Variants in SLC1A1 observed in about 807,000 individuals in gnomAD.
The protein encoded by SLC1A1 is solute carrier family 1 member 1, also known as excitatory amino acid transporter 3.
SLC1A1 carries 43 observed loss-of-function variants against 53.3 expected under a neutral mutation model. That is an observed-to-expected ratio of 0.81 (90% CI 0.63 to 1.04). The LOEUF (loss-of-function observed/expected upper bound fraction) is 1.04. SLC1A1 is among the 50% of genes least tolerant of loss of function. The pLI, the probability that SLC1A1 is intolerant of heterozygous loss-of-function variation, is 0.00. For missense variants in SLC1A1, 748 were observed against 664.9 expected, an observed-to-expected ratio of 1.12 and a Z score of -1.37; for synonymous variants, 307 against 243.2, an observed-to-expected ratio of 1.26 and a Z score of -2.44.
intron 2 of SLC1A1, among the ~76,000 whole-genome samples, chr9:4,557,578 G>A (rs1248487881): frequency 6.6e-6 from 1 of 151,874 alleles, no homozygotes; most frequent in Non-Finnish European, 1.5e-5. Flanking sequence ...TGGAGCTCAG[G>A]AGTTCAAGAC....
intron 10 of SLC1A1, among the ~76,000 whole-genome samples, chr9:4,577,926 T>C (rs563834394): frequency 4.6e-5 from 7 of 152,232 alleles, no homozygotes; most frequent in Admixed American, 1.3e-4. Flanking sequence ...AGCTAATGAA[T>C]TGAAGAAGCA....
intron 1 of SLC1A1, among the ~76,000 whole-genome samples, chr9:4,496,870 C>T (rs2130792930): frequency 6.6e-6 from 1 of 152,240 alleles, no homozygotes; most frequent in African/African-American, 2.4e-5. Context: ...TACACTCCAG[C>T]TGAGGTGACA....
At chr9:4,522,919 T>A (rs1357923882) in intron 1 of SLC1A1, among the ~76,000 whole-genome samples, 1 of 152,186 alleles carries the variant, frequency 6.6e-6, no homozygotes, top group Non-Finnish European at 1.5e-5. Flanking sequence ...TGCCAAACCA[T>A]ATCACCATCC....
intron 10 of SLC1A1, among the ~76,000 whole-genome samples, chr9:4,578,628 G>C: frequency 6.6e-6 from 1 of 152,222 alleles, no homozygotes; most frequent in Non-Finnish European, 1.5e-5. Flanking sequence ...GGTCCACAGA[G>C]TCAGAAGCTG....
rs1202742662 is a variant in SLC1A1 at position 4,535,671 on chromosome 9, C to A, written c.92-8896C>A. Among the ~76,000 whole-genome samples the A allele has an allele frequency of 2.0e-5, 3 of 152,128 alleles. No individual in the cohort carries two copies. In the East Asian group the frequency reaches 5.8e-4, roughly 29 times the overall value. On this transcript the variant is annotated intron_variant, in intron 1 of 11. Transcript: ENST00000262352. The stretch of plus-strand genomic sequence containing the variant: ...TAGATTCAATGCCATCCCCATCAAG[C>A]TACCAATGACTTTCTTCACAGAATT...
intron 3 of SLC1A1, among the ~76,000 whole-genome samples, chr9:4,562,856 G>C (rs1819091610): frequency 6.6e-6 from 1 of 151,342 alleles, no homozygotes. Flanking sequence ...TTGCTATTGT[G>C]AATAATGCCG....
At chr9:4,540,707 A>G (rs1056508851) in intron 1 of SLC1A1, among the ~76,000 whole-genome samples, 4 of 152,196 alleles carry the variant, frequency 2.6e-5, no homozygotes, top group Non-Finnish European at 5.9e-5. Flanking sequence ...CCTGCCAGTG[A>G]CAAAGCGGCC....
intron 2 of SLC1A1, among the ~76,000 whole-genome samples, chr9:4,547,610 T>C (rs1417464029): frequency 4.6e-5 from 7 of 152,210 alleles, no homozygotes; most frequent in Admixed American, 3.9e-4. Context: ...GGAGAACAGT[T>C]TGGAGCATGT....
intron 2 of SLC1A1, among the ~76,000 whole-genome samples, chr9:4,547,248 T>G (rs1416934831): frequency 2.0e-5 from 3 of 152,188 alleles, no homozygotes; most frequent in Admixed American, 6.5e-5. Context: ...GCCTTGCAAA[T>G]AATCTAGGAA....
rs192073151 is a variant in SLC1A1 at position 4,507,625 on chromosome 9, G to A, written c.91+16855G>A. 3.3e-5 allele frequency among the ~76,000 whole-genome samples: 5 copies of A among 152,280 alleles called. No homozygotes were observed. In the East Asian group the frequency reaches 9.7e-4, roughly 29 times the overall value. ...AGGCAGCATGGTTGGGAGTCATGAGGAAGAGCATTCAAGATGACACAAGTT... is the reference window on the plus strand; with the variant it reads ...AGGCAGCATGGTTGGGAGTCATGAGAAAGAGCATTCAAGATGACACAAGTT... On this transcript the variant is annotated intron_variant, in intron 1 of 11. Coordinates refer to ENST00000262352, the MANE Select transcript of SLC1A1 (RefSeq NM_004170.6).
At chr9:4,520,944 T>C (rs546039441) in intron 1 of SLC1A1, among the ~76,000 whole-genome samples, 13 of 152,232 alleles carry the variant, frequency 8.5e-5, no homozygotes, top group Non-Finnish European at 1.8e-4. Context: ...CTCTTTTTTG[T>C]GTTTTTTAAA....
intron 2 of SLC1A1, among the ~76,000 whole-genome samples, chr9:4,557,401 A>G (rs1214247367): frequency 1.3e-5 from 2 of 152,212 alleles, no homozygotes; most frequent in East Asian, 1.9e-4. Context: ...ATTGTCGAGC[A>G]CCCACTAAAT....
At chr9:4,553,287 C>A (rs992964069) in intron 2 of SLC1A1, 1 of 151,886 alleles carries the variant, frequency 6.6e-6, no homozygotes, top group African/African-American at 2.4e-5. Context: ...ACTACAAATA[C>A]CACCGTGTTC....
intron 1 of SLC1A1, among the ~76,000 whole-genome samples, chr9:4,520,911 T>C (rs566557741): frequency 1.3e-5 from 2 of 152,354 alleles, no homozygotes; most frequent in Non-Finnish European, 2.9e-5. Flanking sequence ...TTTCTCCACA[T>C]CCTCACCAAC....
chr9:4,542,954 G>A (rs1464874096), intron 1 of SLC1A1, among the ~76,000 whole-genome samples: 2 of 152,154 alleles, frequency 1.3e-5, no homozygotes, highest in Non-Finnish European at 2.9e-5. Flanking sequence ...CAATGCAGTA[G>A]TGTGTAAACA....
At position 4,576,114 on chromosome 9, in the gene SLC1A1, T is replaced by C. The variant is rs1233204875; in HGVS notation, c.989T>C (p.Ile330Thr). The C allele has an allele frequency of 8.1e-6, 13 of 1,613,918 alleles. No homozygotes were observed. The highest frequency in any genetic ancestry group is 1.1e-5 in the Non-Finnish European group (13 of 1,179,772). ...CAGGCTCTCCTGACAGCTCTCATGA[T>C]CTCTTCCAGGTAAACAGAAGAGGGG... ...MAQALLTALM[I>T]SSSSATLPVT... The change falls in exon 9 of 12, where the codon ATC becomes ACC. Residue 330 changes from isoleucine to threonine, a missense_variant. Coordinates refer to ENST00000262352, the MANE Select transcript of SLC1A1 (RefSeq NM_004170.6).
intron 11 of SLC1A1, 27 bp from the exon 12 acceptor site, chr9:4,585,285 T>G (rs147967930): frequency 6.2e-7 from 1 of 1,612,540 alleles, no homozygotes; most frequent in East Asian, 2.2e-5. Context: ...CTGGGCCTCC[T>G]GTCTGACTCC....
chr9:4,501,585 A>G (rs1395890315), intron 1 of SLC1A1, among the ~76,000 whole-genome samples: 6 of 151,398 alleles, frequency 4.0e-5, no homozygotes, highest in African/African-American at 1.5e-4. Context: ...ACCAACATGG[A>G]GAAACCCCAT....
chr9:4,535,534 A>G (rs903972551), intron 1 of SLC1A1, among the ~76,000 whole-genome samples: 19 of 152,186 alleles, frequency 1.2e-4, no homozygotes, highest in African/African-American at 4.6e-4. Flanking sequence ...GAGAACTACA[A>G]ACCACTGCTC....
Sources: gnomAD v4.1 joint callset for allele counts (sites outside exome capture counted in the v4.1 genomes callset) on GRCh38, gnomAD v4.1.1 for gene constraint, MANE v1.5 for transcripts, NCBI Gene and HGNC (gene_info 2026-07-23, HGNC 2026-07-21) for gene names.